LIG1: variants seen among roughly 807,000 people sequenced by gnomAD.
LIG1 encodes DNA ligase 1.
A neutral mutation model predicts 115.7 loss-of-function variants in LIG1; 70 were observed. The ratio of observed to expected loss-of-function variants is 0.60; its 90% CI spans 0.50 to 0.74. The LOEUF is 0.74. Among genes scored for constraint, LIG1 ranks in the 30% least tolerant of loss-of-function variants. The probability of loss-of-function intolerance (pLI) is 0.00; values close to 1 mark genes in which losing one functional copy is unlikely to be tolerated. For missense variants in LIG1, 1,115 were observed against 1,225.6 expected, an observed-to-expected ratio of 0.91 and a Z score of 1.35; for synonymous variants, 487 against 495.3, an observed-to-expected ratio of 0.98 and a Z score of 0.22.
At position 48,123,018 on chromosome 19, in the gene LIG1, T is replaced by C. The variant is rs2033402964; in HGVS notation, c.2150-2A>G. ...TCACCATCAGCCCCTCGCAGGAGTC[T>C]GAGGGAGACACAGAAGCGTGGTCCT... On this transcript the variant is annotated splice_acceptor_variant, in intron 22 of 27. Coordinates refer to ENST00000263274, the MANE Select transcript of LIG1 (RefSeq NM_000234.3). LOFTEE classifies it high-confidence loss of function. 1 of 1,613,538 alleles carries C rather than the reference T, an allele frequency of 6.2e-7. No individual in the cohort carries two copies. Among genetic ancestry groups the C allele is most frequent in the Admixed American group, 1.7e-5 (1 of 59,926 alleles).
intron 24 of LIG1, among the ~76,000 whole-genome samples, chr19:48,119,967 G>A (rs3731037): frequency 0.079 from 12,039 of 152,266 alleles, 629 homozygotes; most frequent in East Asian, 0.12. Flanking sequence ...CAATATAAAC[G>A]TCACCTGGAA....
At chr19:48,139,211 G>A (rs1419934441) in intron 12 of LIG1, among the ~76,000 whole-genome samples, 2 of 152,204 alleles carry the variant, frequency 1.3e-5, no homozygotes, top group East Asian at 1.9e-4. Context: ...CCCACAGATA[G>A]AGGTTGCTCA....
chr19:48,151,347 TAGAC>T lies in LIG1; in HGVS notation c.467-12_467-9del, dbSNP rs759413786. The stretch of plus-strand genomic sequence containing the variant: ...CTTTCGGGGTCTCCTCTTCTGACGA[TAGAC>T]AGAACGGTCAGATGGCAAAAAAATC... On this transcript the variant is annotated splice_polypyrimidine_tract_variant and intron_variant, in intron 6 of 27. Transcript: ENST00000263274. The T allele has an allele frequency of 1.4e-5, 22 of 1,579,248 alleles. No individual in the cohort carries two copies. The African/African-American group carries it at 1.5e-4, about 11-fold the overall frequency.
chr19:48,126,098 G>A (rs62130963), intron 21 of LIG1, among the ~76,000 whole-genome samples: 1 of 151,482 alleles, frequency 6.6e-6, no homozygotes, highest in Non-Finnish European at 1.5e-5. Flanking sequence ...CCACTGTTTA[G>A]CCCTCACCCT....
At chr19:48,143,521 C>G in intron 11 of LIG1, 22 bp downstream of exon 11, 1 of 621,586 alleles carries the variant, frequency 1.6e-6, no homozygotes. Context: ...CGCCCCCCAC[C>G]CAGGCAGTCC....
chr19:48,121,567 C>T (rs923201706), intron 23 of LIG1, among the ~76,000 whole-genome samples: 4 of 152,000 alleles, frequency 2.6e-5, no homozygotes, highest in African/African-American at 9.7e-5. Context: ...TTTGGGAGGC[C>T]GAGGCGGGTG....
intron 2 of LIG1, among the ~76,000 whole-genome samples, chr19:48,164,984 G>A (rs1002371158): frequency 1.3e-5 from 2 of 152,210 alleles, no homozygotes; most frequent in African/African-American, 4.8e-5. Flanking sequence ...ACACTGGCCG[G>A]GCGCCGTGGC....
intron 19 of LIG1, among the ~76,000 whole-genome samples, chr19:48,128,856 A>C (rs1474670827): frequency 6.6e-6 from 1 of 152,184 alleles, no homozygotes; most frequent in Admixed American, 6.5e-5. Context: ...TCTGCCTCCC[A>C]GGCTCAAGCA....
At chr19:48,119,979 G>T (rs1374336566) in intron 24 of LIG1, among the ~76,000 whole-genome samples, 2 of 152,238 alleles carry the variant, frequency 1.3e-5, no homozygotes, top group Non-Finnish European at 2.9e-5. Context: ...CACCTGGAAA[G>T]CCCCTTTTGC....
In LIG1 at chr19:48,127,301, G is replaced by A. The variant is rs774839059; in HGVS notation, c.1980C>T (p.Phe660=). The A allele has an allele frequency of 1.5e-5, 24 of 1,613,750 alleles. No individual in the cohort carries two copies. The highest frequency in any genetic ancestry group is 1.7e-5 in the Non-Finnish European group (20 of 1,180,016). ...CCTCTCCATTGAGGTAGATGAGGTC[G>A]AAGGCGTACAAACACACCTGCACCT... The part of the protein sequence containing the change: ...EIQVQVCLYA[F]DLIYLNGESL... The change falls in exon 21 of 28, where the codon TTC becomes TTT. Residue 660 remains phenylalanine (F), a synonymous_variant. Transcript: ENST00000263274.
intron 5 of LIG1, among the ~76,000 whole-genome samples, chr19:48,155,105 C>T (rs1171210922): frequency 6.6e-6 from 1 of 152,150 alleles, no homozygotes; most frequent in African/African-American, 2.4e-5. Context: ...CCAACCTCAG[C>T]GTCCACCTGG....
rs774492831 is a variant in LIG1 at position 48,162,336 on chromosome 19, G to A, written c.33C>T (p.Pro11=). 1.9e-6 allele frequency: 3 copies of A among 1,613,528 alleles called. No individual in the cohort carries two copies. Among genetic ancestry groups the A allele is most frequent in the Admixed American group, 3.3e-5 (2 of 59,972 alleles). Residue 11 remains proline, a synonymous_variant, in exon 3 of 28, where the codon CCC becomes CCT. Coordinates refer to ENST00000263274, the MANE Select transcript of LIG1 (RefSeq NM_000234.3). MQRSIMSFFH[P]KKEGKAKKPE... ...GCTTCTTTGCTTTACCCTCTTTCTT[G>A]GGGTGGAAAAATGACCTAGAGGAGC...
At chr19:48,167,269 A>G (rs2036533912) in intron 1 of LIG1, among the ~76,000 whole-genome samples, 1 of 151,902 alleles carries the variant, frequency 6.6e-6, no homozygotes, top group Admixed American at 6.6e-5. Context: ...TTCCACTATG[A>G]ATATATTTTT....
At position 48,149,737 on chromosome 19, in the gene LIG1, C is replaced by T. The variant is rs772387859; in HGVS notation, c.776+26G>A. The T allele has an allele frequency of 1.9e-6, 3 of 1,598,970 alleles. No individual in the cohort carries two copies. In the Middle Eastern group the frequency reaches 5.0e-4, roughly 265 times the overall value. ...GAGAAGGGAACACATCCCGAAGAACCTTTCCAGACCTGGACACTGACTCAC... is the reference window on the plus strand; with the variant it reads ...GAGAAGGGAACACATCCCGAAGAACTTTTCCAGACCTGGACACTGACTCAC... On this transcript the variant is annotated intron_variant, in intron 9 of 27. Transcript: ENST00000263274.
Position 48,137,144 on chromosome 19 carries a change from C to G in LIG1, c.1255-60G>C. The G allele has an allele frequency of 7.4e-7, 1 of 1,358,768 alleles. No individual in the cohort carries two copies. The allele number at this position is 1,358,768 out of a possible 1,614,324, so 84.2% of individuals were successfully genotyped here. On this transcript the variant is annotated intron_variant, in intron 13 of 27. Transcript: ENST00000263274. The surrounding 1 kb of genome is among the most constrained non-coding windows in gnomAD (Gnocchi z 4.3). Reference sequence around the variant, plus strand: ...TGAAGGCAGGGACCACACCTCCACCCCACCAGCCGTGCTGCTGCCCTGCAT... The same window carrying G: ...TGAAGGCAGGGACCACACCTCCACCGCACCAGCCGTGCTGCTGCCCTGCAT...
At position 48,123,296 on chromosome 19, in the gene LIG1, G is replaced by A; in HGVS notation, c.2027C>T (p.Ser676Phe). ...CTCCCGGAGCAGCTGCCGGCGCCGG[G>A]AAAGGGGCTCACGTACCAGGGACTG... ...NGESLVREPL[S>F]RRRQLLRENF... Residue 676 changes from serine (S) to phenylalanine (F), a missense_variant, in exon 22 of 28, where the codon TCC becomes TTC. Physicochemically the swap from Ser to Phe is radical, Grantham distance 155. Transcript: ENST00000263274. The A allele has an allele frequency of 6.2e-7, 1 of 1,613,790 alleles. No homozygotes were observed. Among genetic ancestry groups the A allele is most frequent in the Non-Finnish European group, 8.5e-7 (1 of 1,179,978 alleles).
intron 6 of LIG1, among the ~76,000 whole-genome samples, chr19:48,152,506 G>A (rs552139566): frequency 5.9e-5 from 9 of 152,220 alleles, no homozygotes; most frequent in Admixed American, 2.0e-4. Flanking sequence ...ACCAAATGAC[G>A]TTAAAGGCTG....
chr19:48,121,110 C>A (rs776151870), intron 24 of LIG1, 60 bp downstream of exon 24: 5 of 1,612,992 alleles, frequency 3.1e-6, no homozygotes, highest in Non-Finnish European at 4.2e-6. Context: ...ATAGGAAATA[C>A]CCCCGGGAGT....
intron 9 of LIG1, among the ~76,000 whole-genome samples, chr19:48,148,289 C>T (rs2035249927): frequency 1.3e-5 from 2 of 152,062 alleles, no homozygotes; most frequent in Non-Finnish European, 2.9e-5. Context: ...GCCTGGCCAA[C>T]ATGGTGAAAC....
Sources: gnomAD v4.1 joint callset for allele counts (sites outside exome capture counted in the v4.1 genomes callset) on GRCh38, gnomAD v4.1.1 for gene constraint, Gnocchi (gnomAD v3.1) non-coding constraint, MANE v1.5 for transcripts, NCBI Gene and HGNC (gene_info 2026-07-23, HGNC 2026-07-21) for gene names.